The following TRIM60 variants were observed in gnomAD, a reference collection of about 807,000 sequenced individuals.
TRIM60 encodes tripartite motif-containing protein 60.
For synonymous variants in TRIM60, 189 were observed against 195.2 expected, an observed-to-expected ratio of 0.97 and a Z score of 0.27; for missense variants, 524 against 540.8, an observed-to-expected ratio of 0.97 and a Z score of 0.31.
chr4:165,037,508 A>G (rs1487294465), intron 1 of TRIM60, among the ~76,000 whole-genome samples: 3 of 151,774 alleles, frequency 2.0e-5, no homozygotes, highest in Non-Finnish European at 4.4e-5. Flanking sequence ...ATTTTTTAGT[A>G]GAGATGGGGA....
At chr4:165,036,899 AAAAAG>A (rs1222440089) in intron 1 of TRIM60, among the ~76,000 whole-genome samples, 18 of 140,012 alleles carry the variant, frequency 1.3e-4, no homozygotes, top group African/African-American at 5.8e-4. Context: ...AAAAAAAAGA[AAAAAG>A]AAAAAAAAAG....
At chr4:165,035,128 A>G (rs1733592197) in intron 1 of TRIM60, among the ~76,000 whole-genome samples, 2 of 152,124 alleles carry the variant, frequency 1.3e-5, no homozygotes, top group Admixed American at 1.3e-4. Context: ...ATAATGGCAC[A>G]ATCATGACTC....
intron 2 of TRIM60, among the ~76,000 whole-genome samples, chr4:165,039,775 G>A (rs1733707367): frequency 6.8e-6 from 1 of 147,602 alleles, no homozygotes; most frequent in South Asian, 2.2e-4. Flanking sequence ...TCCGCAGTCC[G>A]GCCTGGGCGA....
At position 165,041,027 on chromosome 4, in the gene TRIM60, T is replaced by C. The variant is rs1003397733; in HGVS notation, c.955T>C (p.Tyr319His). The change falls in exon 3 of 3, where the codon TAT becomes CAT. Residue 319 changes from tyrosine (Y) to histidine (H), a missense_variant. By Grantham distance (83) the Tyr-to-His change is moderately conservative. Coordinates refer to ENST00000512596, the MANE Select transcript of TRIM60 (RefSeq NM_152620.3). ...LVSEDRKAVR[Y>H]ERKKRNICYD... Reference sequence around the variant, plus strand: ...CTCTGAGGATAGAAAAGCTGTGCGATATGAAAGAAAAAAACGAAACATTTG... The same window carrying C: ...CTCTGAGGATAGAAAAGCTGTGCGACATGAAAGAAAAAAACGAAACATTTG... 6.2e-7 allele frequency: 1 copy of C among 1,614,004 alleles called. No individual in the cohort carries two copies. Among genetic ancestry groups the C allele is most frequent in the South Asian group, 1.1e-5 (1 of 91,080 alleles).
At position 165,040,259 on chromosome 4, in the gene TRIM60, A is replaced by G. The variant is rs1178416540; in HGVS notation, c.187A>G (p.Lys63Glu). 4.3e-6 allele frequency: 7 copies of G among 1,614,124 alleles called. No homozygotes were observed. In the Admixed American group the frequency reaches 6.7e-5, roughly 15 times the overall value. The change falls in exon 3 of 3, where the codon AAG (lysine) becomes GAG (glutamate). Residue 63 changes from lysine (K) to glutamate (E), a missense_variant. Lys to Glu is a moderately conservative substitution (Grantham distance 56). Coordinates refer to ENST00000512596, the MANE Select transcript of TRIM60 (RefSeq NM_152620.3). ...CPVCRFCFPYKSFRRNPQLRN... is the reference protein window; with the variant it reads ...CPVCRFCFPYESFRRNPQLRN... The stretch of plus-strand genomic sequence containing the variant: ...TGTCTGCCGTTTTTGCTTTCCATAC[A>G]AGAGCTTCAGGAGGAACCCCCAGCT...
chr4:165,040,422 C>T lies in TRIM60; in HGVS notation c.350C>T (p.Thr117Ile). 6.2e-7 allele frequency: 1 copy of T among 1,614,168 alleles called. No individual in the cohort carries two copies. Among genetic ancestry groups the T allele is most frequent in the South Asian group, 1.1e-5 (1 of 91,082 alleles). Residue 117 changes from threonine (T) to isoleucine (I), a missense_variant, in exon 3 of 3, where the codon ACA becomes ATA. Transcript: ENST00000512596. ...FCVKDLEILC[T>I]QCSFSTKHQK... is the part of the protein sequence containing the mutation. ...GTTAAAGATCTAGAGATCTTATGTACACAGTGCAGTTTCTCCACTAAACAC... is the reference window on the plus strand; with the variant it reads ...GTTAAAGATCTAGAGATCTTATGTATACAGTGCAGTTTCTCCACTAAACAC...
intron 2 of TRIM60, 104 bp from the exon 3 acceptor site, chr4:165,039,965 A>G (rs1733713511): frequency 2.3e-6 from 2 of 867,508 alleles, no homozygotes; most frequent in African/African-American, 1.7e-5. Context: ...AACCTGATCA[A>G]TCTACAAGGT....
At chr4:165,033,761 G>A (rs1733558485) in intron 1 of TRIM60, among the ~76,000 whole-genome samples, 1 of 152,202 alleles carries the variant, frequency 6.6e-6, no homozygotes. Flanking sequence ...GTGACCAAGT[G>A]CTTCAAAGGG....
chr4:165,033,675 A>C (rs926816630), intron 1 of TRIM60, among the ~76,000 whole-genome samples: 2 of 152,246 alleles, frequency 1.3e-5, no homozygotes, highest in Admixed American at 1.3e-4. Context: ...TCATAAGGAC[A>C]GATTTTAATC....
chr4:165,032,100 C>T lies in TRIM60; in HGVS notation c.-69C>T, dbSNP rs1192784484. On this transcript the variant is annotated 5_prime_UTR_variant, in exon 1 of 3. Transcript: ENST00000512596. ...ACAGCATCAGGCCTGAGCCGCCGGT[C>T]CAACTGCTCCAGGTAAGCTGGGAGG... 6.6e-6 allele frequency: 1 copy of T among 152,392 alleles called. No homozygotes were observed. The highest frequency in any genetic ancestry group is 2.4e-5 in the African/African-American group (1 of 41,470). The allele number at this position is 152,392 out of a possible 1,614,324, so 9.4% of individuals were successfully genotyped here. A position where few individuals can be genotyped will look rare whatever the true frequency, so the allele number is the denominator to read the frequency against.
chr4:165,041,354 T>C lies in TRIM60; in HGVS notation c.1282T>C (p.Phe428Leu). 4 of 1,614,102 alleles carry C rather than the reference T, an allele frequency of 2.5e-6. No individual in the cohort carries two copies. In the South Asian group the frequency reaches 4.4e-5, roughly 18 times the overall value. Residue 428 changes from phenylalanine (F) to leucine (L), a missense_variant, in exon 3 of 3, where the codon TTT becomes CTT. Phe to Leu is a conservative substitution (Grantham distance 22). Transcript: ENST00000512596. ...GGACTATGAATTGGGTGATCTTTCC[T>C]TTTATAATATGAATGATAGGTCTAT... ...FLDYELGDLS[F>L]YNMNDRSILY...
rs1733752109 is a variant in TRIM60, at chr4:165,041,055, A to G, written c.983A>G (p.Tyr328Cys). ...GAAAGAAAAAAACGAAACATTTGTT[A>G]TGACCCAAGGAGATTTTATGTCTGC... Reference protein sequence around the residue: ...RYERKKRNICYDPRRFYVCPA... With the variant: ...RYERKKRNICCDPRRFYVCPA... The change falls in exon 3 of 3, where the codon TAT becomes TGT. Residue 328 changes from tyrosine (Y) to cysteine (C), a missense_variant. Transcript: ENST00000512596. 1 of 1,613,990 alleles carries G rather than the reference A, an allele frequency of 6.2e-7. No homozygotes were observed. Among genetic ancestry groups the G allele is most frequent in the Non-Finnish European group, 8.5e-7 (1 of 1,180,028 alleles).
intron 2 of TRIM60, 32 bp from the exon 3 acceptor site, chr4:165,040,037 G>T (rs780026570): frequency 6.4e-7 from 1 of 1,572,954 alleles, no homozygotes; most frequent in Admixed American, 1.7e-5. Flanking sequence ...TGATCAAAGG[G>T]AGGTTACCTT....
chr4:165,041,454 T>G lies in TRIM60; in HGVS notation c.1382T>G (p.Leu461Arg). 6.3e-7 allele frequency: 1 copy of G among 1,586,416 alleles called. No homozygotes were observed. The highest frequency in any genetic ancestry group is 8.6e-7 in the Non-Finnish European group (1 of 1,166,198). The change falls in exon 3 of 3, where the codon CTT becomes CGT. Residue 461 changes from leucine (L) to arginine (R), a missense_variant. Transcript: ENST00000512596. ...TATACTGGAACAGATTCCGAACCTC[T>G]TAAAATCTGCTCAGTATCAGATTCT... ...YFYTGTDSEPLKICSVSDSER is the reference protein window; with the variant it reads ...YFYTGTDSEPRKICSVSDSER
rs1733722371 is a variant in TRIM60 at position 165,040,227 on chromosome 4, C to T, written c.155C>T (p.Pro52Leu). 3 of 1,614,056 alleles carry T rather than the reference C, an allele frequency of 1.9e-6. No individual in the cohort carries two copies. In the South Asian group the frequency reaches 3.3e-5, roughly 18 times the overall value. Reference protein sequence around the residue: ...VSWKDLDDTFPCPVCRFCFPY... With the variant: ...VSWKDLDDTFLCPVCRFCFPY... ...TGGAAGGATCTAGATGATACCTTTC[C>T]CTGTCCTGTCTGCCGTTTTTGCTTT... is the stretch of plus-strand genomic sequence containing the variant. The change falls in exon 3 of 3, where the codon CCC becomes CTC. Residue 52 changes from proline (P) to leucine (L), a missense_variant. Transcript: ENST00000512596.
In TRIM60 at chr4:165,038,502, T is replaced by C. The variant is rs75798283; in HGVS notation, c.-56-699T>C. On this transcript the variant is annotated intron_variant, in intron 1 of 2. Coordinates refer to ENST00000512596, the MANE Select transcript of TRIM60 (RefSeq NM_152620.3). ...CCACCCTGGCCAACACAGACCCCCA[T>C]CTCTACAAAATATTTTAAAAATTAG... 9.6e-4 allele frequency among the ~76,000 whole-genome samples: 145 copies of C among 151,656 alleles called. 1 individual carries two copies. The East Asian group carries it at 0.014, about 15-fold the overall frequency.
At chr4:165,033,483 T>C (rs1006096268) in intron 1 of TRIM60, among the ~76,000 whole-genome samples, 1 of 152,200 alleles carries the variant, frequency 6.6e-6, no homozygotes. Flanking sequence ...ATGATAGATA[T>C]GTGGAGTCAG....
At chr4:165,035,980 C>T (rs1213998823) in intron 1 of TRIM60, among the ~76,000 whole-genome samples, 1 of 152,152 alleles carries the variant, frequency 6.6e-6, no homozygotes, top group Non-Finnish European at 1.5e-5. Flanking sequence ...GCCTTGGCCT[C>T]CCAAAGTACT....
chr4:165,037,751 G>T (rs1733658039), intron 1 of TRIM60, among the ~76,000 whole-genome samples: 1 of 151,986 alleles, frequency 6.6e-6, no homozygotes, highest in Non-Finnish European at 1.5e-5. Flanking sequence ...TCTGAAATGG[G>T]CTGAGTGCAG....
Sources: allele counts gnomAD v4.1 joint callset (sites outside exome capture counted in the v4.1 genomes callset), GRCh38; gene constraint gnomAD v4.1.1; transcripts MANE v1.5; gene names NCBI Gene and HGNC (gene_info 2026-07-23, HGNC 2026-07-21).